ANKFN1: variants seen among roughly 807,000 people sequenced by gnomAD.
The protein encoded by ANKFN1 is ankyrin repeat and fibronectin type-III domain-containing protein 1.
ANKFN1 carries 74 observed loss-of-function variants against 108.7 expected under a neutral mutation model. The ratio of observed to expected loss-of-function variants is 0.68; its 90% CI spans 0.56 to 0.83. ANKFN1 has a LOEUF of 0.83. Among genes scored for constraint, ANKFN1 ranks in the 40% least tolerant of loss-of-function variants. ANKFN1 has a pLI of 0.00. For synonymous variants in ANKFN1, 547 were observed against 516.2 expected, an observed-to-expected ratio of 1.06 and a Z score of -0.81; for missense variants, 1,505 against 1,382.3, an observed-to-expected ratio of 1.09 and a Z score of -1.41.
chr17:56,196,145 G>C (rs375979828), intron 1 of ANKFN1, among the ~76,000 whole-genome samples: 1 of 152,066 alleles, frequency 6.6e-6, no homozygotes, highest in African/African-American at 2.4e-5. Context: ...GCTCGTGCCT[G>C]TAGTCCCAGC....
chr17:56,488,070 A>G (rs1313087848), intron 18 of ANKFN1, among the ~76,000 whole-genome samples: 1 of 152,248 alleles, frequency 6.6e-6, no homozygotes, highest in Non-Finnish European at 1.5e-5. Flanking sequence ...GGCAATAGGA[A>G]GCAAAGAAAA....
chr17:56,415,346 AGAACTGATACATTCAGT>A (rs1023588936), intron 8 of ANKFN1, among the ~76,000 whole-genome samples: 3 of 152,252 alleles, frequency 2.0e-5, no homozygotes, highest in Admixed American at 6.5e-5. Flanking sequence ...AACAACTGTT[AGAACTGATACATTCAGT>A]AAAGTTGGAA....
At chr17:56,197,029 T>C (rs1413042584) in intron 1 of ANKFN1, among the ~76,000 whole-genome samples, 2 of 152,264 alleles carry the variant, frequency 1.3e-5, no homozygotes, top group African/African-American at 4.8e-5. Flanking sequence ...TAAAAAACAC[T>C]TTTGTGCTTG....
At chr17:56,470,518 T>A (rs2050278928) in intron 15 of ANKFN1, among the ~76,000 whole-genome samples, 1 of 152,192 alleles carries the variant, frequency 6.6e-6, no homozygotes, top group South Asian at 2.1e-4. Context: ...AATGCTAGGC[T>A]GCCCTCAGGA....
At chr17:56,247,163 G>A (rs8074160) in intron 3 of ANKFN1, among the ~76,000 whole-genome samples, 6,544 of 152,170 alleles carry the variant, frequency 0.043, 450 homozygotes, top group African/African-American at 0.15. Flanking sequence ...ACAAATAAAC[G>A]CTGCTTTGCA....
chr17:56,146,960 C>T (rs1908298987), intron 4 of ANKFN1, among the ~76,000 whole-genome samples: 1 of 152,152 alleles, frequency 6.6e-6, no homozygotes, highest in South Asian at 2.1e-4. Flanking sequence ...CTCTTGAGTG[C>T]TTTGCCACTT....
intron 8 of ANKFN1, among the ~76,000 whole-genome samples, chr17:56,420,601 ATTAT>A (rs1022111458): frequency 2.0e-5 from 3 of 151,770 alleles, no homozygotes; most frequent in African/African-American, 7.3e-5. Flanking sequence ...AGAACCCATA[ATTAT>A]TTATGTGTGC....
At chr17:56,479,171 CT>C (rs1412128339) in intron 16 of ANKFN1, among the ~76,000 whole-genome samples, 3 of 152,166 alleles carry the variant, frequency 2.0e-5, no homozygotes, top group African/African-American at 7.2e-5. Flanking sequence ...CTAATTTTCC[CT>C]TGCCAAGGAT....
intron 8 of ANKFN1, among the ~76,000 whole-genome samples, chr17:56,388,203 A>G (rs1277967222): frequency 6.7e-6 from 1 of 150,326 alleles, no homozygotes; most frequent in Non-Finnish European, 1.5e-5. Flanking sequence ...CGGTGGCATG[A>G]TCTTGGCTCA....
In ANKFN1 at chr17:56,295,272, T is replaced by A. The variant is rs187691997; in HGVS notation, c.54-30949T>A. Among the ~76,000 whole-genome samples the A allele has an allele frequency of 3.5e-4, 54 of 152,330 alleles. 1 individual carries two copies. The highest frequency in any genetic ancestry group is 3.4e-3 in the Middle Eastern group (1 of 294). On this transcript the variant is annotated intron_variant, in intron 3 of 20. Coordinates refer to ENST00000682825, the MANE Select transcript of ANKFN1 (RefSeq NM_001370326.1). ...ACCACTCATTTCAGCAAAAAGGCAA[T>A]GCAGTATGAATTCAAGGAAGAAAGG... is the stretch of plus-strand genomic sequence containing the variant.
At chr17:56,273,795 A>G (rs894847429) in intron 3 of ANKFN1, among the ~76,000 whole-genome samples, 1 of 152,242 alleles carries the variant, frequency 6.6e-6, no homozygotes, top group African/African-American at 2.4e-5. Context: ...AACATCTTTC[A>G]TCTTCAGAAC....
chr17:56,344,693 A>G (rs1260818111), intron 4 of ANKFN1, among the ~76,000 whole-genome samples: 1 of 151,966 alleles, frequency 6.6e-6, no homozygotes, highest in Admixed American at 6.6e-5. Flanking sequence ...AAAAAAGGCT[A>G]TTAGCCCTTC....
At chr17:56,264,875 A>C (rs992237255) in intron 3 of ANKFN1, among the ~76,000 whole-genome samples, 3 of 152,064 alleles carry the variant, frequency 2.0e-5, no homozygotes. Context: ...TTTTCCCTCT[A>C]CAAATACTTT....
intron 8 of ANKFN1, 69 bp from the exon 9 acceptor site, chr17:56,440,258 A>G (rs2049055784): frequency 8.7e-6 from 8 of 918,034 alleles, no homozygotes; most frequent in African/African-American, 1.6e-5. Flanking sequence ...TTTCTATGGT[A>G]CTTCTTGATG....
chr17:56,093,226 T>C (rs181955286), intron 4 of ANKFN1, among the ~76,000 whole-genome samples: 6 of 151,104 alleles, frequency 4.0e-5, no homozygotes, highest in Admixed American at 3.3e-4. Context: ...GATGGCATGA[T>C]ATTAAATCAT....
rs547773378 is a variant in ANKFN1 at position 56,170,605 on chromosome 17, A to T, written c.-71+17075A>T. ...TGGTGAAACCCCATGTCTACTAAAA[A>T]TACAAAAATTAGCCATGCATGGTGG... On this transcript the variant is annotated intron_variant, in intron 1 of 20. Transcript: ENST00000682825. 3.3e-5 allele frequency among the ~76,000 whole-genome samples: 5 copies of T among 151,124 alleles called. No individual in the cohort carries two copies. The South Asian group carries it at 1.1e-3, about 32-fold the overall frequency.
At chr17:56,492,500 A>C (rs2197178) in intron 19 of ANKFN1, 147 bp downstream of exon 19, 8,867 of 545,146 alleles carry the variant, frequency 0.016, 99 homozygotes, top group Non-Finnish European at 0.022. Context: ...TAAAATGTGG[A>C]GCTCAGGCAG....
intron 18 of ANKFN1, among the ~76,000 whole-genome samples, chr17:56,483,623 C>A (rs1009754924): frequency 6.6e-6 from 1 of 152,164 alleles, no homozygotes; most frequent in African/African-American, 2.4e-5. Flanking sequence ...ACTTGAGAGT[C>A]CTGGATTCCC....
intron 15 of ANKFN1, among the ~76,000 whole-genome samples, chr17:56,473,928 C>T (rs1371121175): frequency 6.6e-6 from 1 of 152,078 alleles, no homozygotes; most frequent in Non-Finnish European, 1.5e-5. Context: ...TTCTGACCCC[C>T]ACATGTTTTT....
Sources: allele counts gnomAD v4.1 joint callset (sites outside exome capture counted in the v4.1 genomes callset), GRCh38; gene constraint gnomAD v4.1.1; transcripts MANE v1.5; gene names NCBI Gene and HGNC (gene_info 2026-07-23, HGNC 2026-07-21).